The following TARBP1 variants were observed in gnomAD, a reference collection of about 807,000 sequenced individuals.
TARBP1 encodes tRNA guanosine 2 -O-methyltransferase TARBP1, also known as tRNA (guanosine(18)-2'-O)-methyltransferase TARBP1.
In TARBP1, 144 loss-of-function variants were observed where a neutral mutation model predicts 178.6. The observed-to-expected ratio is 0.81, with a 90% CI of 0.70 to 0.93. The LOEUF (loss-of-function observed/expected upper bound fraction) is 0.93. TARBP1 is among the 40% of genes least tolerant of loss of function. The probability of loss-of-function intolerance (pLI) is 0.00; values close to 1 mark genes in which losing one functional copy is unlikely to be tolerated. For missense variants in TARBP1, 2,067 were observed against 2,011.7 expected (o/e 1.03, Z -0.53); for synonymous variants, 787 against 781.0 (o/e 1.01, Z -0.13).
At chr1:234,444,307 G>T (rs1019710822) in intron 12 of TARBP1, among the ~76,000 whole-genome samples, 2 of 152,122 alleles carry the variant, frequency 1.3e-5, no homozygotes, top group Non-Finnish European at 2.9e-5. Context: ...ATAACCCAGT[G>T]TAATGAAAGG....
intron 3 of TARBP1, among the ~76,000 whole-genome samples, chr1:234,468,186 C>T (rs112617984): frequency 0.084 from 12,715 of 151,984 alleles, 929 homozygotes; most frequent in East Asian, 0.27. Flanking sequence ...GGCATGGTGG[C>T]TCATGCCTGT....
rs72281584 is a variant in TARBP1, at chr1:234,432,135, CAAAAA to C, written c.2394+1270_2394+1274del. Reference sequence around the variant, plus strand: ...TGGCAAAAGAGCGAAACTCCGTCTCCAAAAAAAAAAAAAAAAAGCCTTGAGGCCAG... The same window carrying C: ...TGGCAAAAGAGCGAAACTCCGTCTCCAAAAAAAAAAAAGCCTTGAGGCCAG... On this transcript the variant is annotated intron_variant, in intron 14 of 29. Transcript: ENST00000040877. Among the ~76,000 whole-genome samples, 45 of 94,350 alleles carry C rather than the reference CAAAAA, an allele frequency of 4.8e-4. 1 individual carries two copies. The South Asian group carries it at 0.012, about 26-fold the overall frequency. 61.9% of individuals were successfully genotyped at this position (94,350 alleles called of 152,430 possible).
chr1:234,410,464 GTAA>G lies in TARBP1; in HGVS notation c.3770_3772del (p.Ile1257del). The G allele has an allele frequency of 6.7e-7, 1 of 1,492,510 alleles. No individual in the cohort carries two copies. The highest frequency in any genetic ancestry group is 1.4e-5 in the African/African-American group (1 of 72,066). The allele number at this position is 1,492,510 out of a possible 1,614,324, so 92.5% of individuals were successfully genotyped here. A position where few individuals can be genotyped will look rare whatever the true frequency, so the allele number is the denominator to read the frequency against. The stretch of plus-strand genomic sequence containing the variant: ...ACTTACCTTTTCTGGAATATTTTGA[GTAA>G]TAATGTCTAAATGTGATAAAACTGC... On this transcript the variant is annotated inframe_deletion, in exon 23 of 30. Transcript: ENST00000040877.
chr1:234,415,456 G>A (rs1009527040), intron 22 of TARBP1, among the ~76,000 whole-genome samples: 5 of 152,190 alleles, frequency 3.3e-5, no homozygotes, highest in Non-Finnish European at 5.9e-5. Flanking sequence ...GGAAAAGGGT[G>A]TAGTGGACAA....
At chr1:234,469,436 C>T (rs967554297) in intron 3 of TARBP1, among the ~76,000 whole-genome samples, 4 of 152,138 alleles carry the variant, frequency 2.6e-5, no homozygotes, top group Non-Finnish European at 1.5e-5. Flanking sequence ...ATAAGAGCAT[C>T]ATTTTAATGG....
chr1:234,461,307 T>A (rs1163879233), intron 6 of TARBP1, among the ~76,000 whole-genome samples: 2 of 146,234 alleles, frequency 1.4e-5, no homozygotes, highest in African/African-American at 5.4e-5. Context: ...TAATTTTTTG[T>A]TTGTTTGTTT....
intron 22 of TARBP1, among the ~76,000 whole-genome samples, chr1:234,410,865 G>C (rs1661737752): frequency 6.6e-6 from 1 of 152,254 alleles, no homozygotes; most frequent in Non-Finnish European, 1.5e-5. Context: ...TTCAGGCCAG[G>C]GGTTTGAGAT....
At chr1:234,410,419 G>A in intron 23 of TARBP1, 26 bp downstream of exon 23, 4 of 1,325,906 alleles carry the variant, frequency 3.0e-6, no homozygotes, top group Non-Finnish European at 4.2e-6. Context: ...TTACAGTCAA[G>A]TTTAAATTCT....
At chr1:234,398,596 TA>T in intron 25 of TARBP1, 43 bp from the exon 26 acceptor site, 6 of 1,404,416 alleles carry the variant, frequency 4.3e-6, no homozygotes, top group Non-Finnish European at 5.7e-6. Context: ...CCCTTAAGAA[TA>T]ACAAAGAAAT....
chr1:234,478,319 C>G lies in TARBP1; in HGVS notation c.785G>C (p.Cys262Ser), dbSNP rs778604650. ...AREAGPDARR[C>S]WRFWRTVQAG... ...CTGCACCGTCCTCCAGAAGCGCCAG[C>G]AGCGCCGGGCGTCCGGGCCCGCCTC... The change falls in exon 1 of 30, where the codon TGC (cysteine) becomes TCC (serine). Residue 262 changes from cysteine (C) to serine (S), a missense_variant. Physicochemically the swap from Cys to Ser is moderately radical, Grantham distance 112. Transcript: ENST00000040877. 59 of 1,400,552 alleles carry G rather than the reference C, an allele frequency of 4.2e-5. No homozygotes were observed. Among genetic ancestry groups the G allele is most frequent in the Middle Eastern group, 5.0e-4 (2 of 3,970 alleles). 86.8% of individuals were successfully genotyped at this position (1,400,552 alleles called of 1,614,324 possible).
chr1:234,478,186 G>C lies in TARBP1; in HGVS notation c.918C>G (p.Pro306=). The part of the protein sequence containing the change: ...AELGADCTCG[P]QEGNGPSLFW... ...AGAGGCAGGTACCGTTTCCTTCCTG[G>C]GGCCCGCAGGTGCAGTCGGCCCCCA... The change falls in exon 1 of 30, where the codon CCC becomes CCG. Residue 306 remains proline, a synonymous_variant. Coordinates refer to ENST00000040877, the MANE Select transcript of TARBP1 (RefSeq NM_005646.4). 6.2e-7 allele frequency: 1 copy of C among 1,611,846 alleles called. No individual in the cohort carries two copies. The highest frequency in any genetic ancestry group is 8.5e-7 in the Non-Finnish European group (1 of 1,179,528).
chr1:234,422,823 C>A (rs1051118195), intron 20 of TARBP1, among the ~76,000 whole-genome samples: 9 of 152,090 alleles, frequency 5.9e-5, no homozygotes, highest in Admixed American at 5.9e-4. Context: ...CATTGTATGC[C>A]TATATCAAAA....
chr1:234,456,599 C>G (rs1340198042), intron 9 of TARBP1, among the ~76,000 whole-genome samples: 1 of 152,064 alleles, frequency 6.6e-6, no homozygotes, highest in African/African-American at 2.4e-5. Flanking sequence ...AATTACTTAG[C>G]AACATGCTAA....
intron 26 of TARBP1, among the ~76,000 whole-genome samples, chr1:234,397,771 G>T (rs1387575959): frequency 0.1 from 5 of 48 alleles, 2 homozygotes; most frequent in Non-Finnish European, 0.18. Context: ...GGGGAGGAGG[G>T]GGAGGAGGCG....
At chr1:234,431,863 C>T (rs1201539427) in intron 14 of TARBP1, among the ~76,000 whole-genome samples, 3 of 152,190 alleles carry the variant, frequency 2.0e-5, no homozygotes, top group African/African-American at 4.8e-5. Context: ...CTTGGCCAGG[C>T]GTGGTGGCTC....
intron 12 of TARBP1, among the ~76,000 whole-genome samples, chr1:234,442,580 C>A (rs1665702502): frequency 6.6e-6 from 1 of 152,134 alleles, no homozygotes; most frequent in African/African-American, 2.4e-5. Flanking sequence ...AAAACTATAA[C>A]CAATGAATAT....
In TARBP1 at chr1:234,460,246, T is replaced by G; in HGVS notation, c.1535+15A>C. 6.2e-7 allele frequency: 1 copy of G among 1,611,280 alleles called. No individual in the cohort carries two copies. Among genetic ancestry groups the G allele is most frequent in the South Asian group, 1.1e-5 (1 of 90,214 alleles). ...TGGCAAATAACCATACAAGTACATA[T>G]ACAGAGTAAATTACCTGAGAGCAAG... On this transcript the variant is annotated intron_variant, in intron 7 of 29. Transcript: ENST00000040877.
intron 14 of TARBP1, among the ~76,000 whole-genome samples, chr1:234,431,002 G>C (rs1664379085): frequency 1.3e-5 from 2 of 152,314 alleles, no homozygotes; most frequent in South Asian, 4.1e-4. Flanking sequence ...TCTACACGTA[G>C]GAAAGGAGGG....
intron 23 of TARBP1, 143 bp downstream of exon 23, chr1:234,410,302 T>C: frequency 1.8e-6 from 1 of 543,156 alleles, no homozygotes; most frequent in African/African-American, 1.9e-5. Context: ...TTGTGTCTAA[T>C]ACATGTGCAC....
Sources: gnomAD v4.1 joint callset for allele counts (sites outside exome capture counted in the v4.1 genomes callset) on GRCh38, gnomAD v4.1.1 for gene constraint, MANE v1.5 for transcripts, NCBI Gene and HGNC (gene_info 2026-07-23, HGNC 2026-07-21) for gene names.